The following SEC24B variants were observed in gnomAD, a reference collection of about 807,000 sequenced individuals.
The protein encoded by SEC24B is SEC24 homolog B, COPII component.
SEC24B carries 45 observed loss-of-function variants against 142.8 expected under a neutral mutation model. That is an observed-to-expected ratio of 0.32 (90% CI 0.25 to 0.40). The LOEUF (loss-of-function observed/expected upper bound fraction) is 0.40. Among genes scored for constraint, SEC24B ranks in the 10% least tolerant of loss-of-function variants. The probability of loss-of-function intolerance (pLI) is 1.00; values close to 1 mark genes in which losing one functional copy is unlikely to be tolerated. For synonymous variants in SEC24B, 574 were observed against 568.2 expected, an observed-to-expected ratio of 1.01 and a Z score of -0.15; for missense variants, 1,409 against 1,526.8, an observed-to-expected ratio of 0.92 and a Z score of 1.29.
rs1396558202 is a variant in SEC24B at position 109,492,588 on chromosome 4, G to A, written c.1246+1181G>A. ...AGAGTATTTCAGTAACCTTGGACAAGTTTTCTTTCTATTTATACTACACCA... is the reference window on the plus strand; with the variant it reads ...AGAGTATTTCAGTAACCTTGGACAAATTTTCTTTCTATTTATACTACACCA... On this transcript the variant is annotated intron_variant, in intron 5 of 23. Coordinates refer to ENST00000265175, the MANE Select transcript of SEC24B (RefSeq NM_006323.5). Among the ~76,000 whole-genome samples the A allele has an allele frequency of 3.3e-5, 5 of 152,134 alleles. No individual in the cohort carries two copies. The East Asian group carries it at 9.6e-4, about 29-fold the overall frequency.
intron 18 of SEC24B, among the ~76,000 whole-genome samples, chr4:109,528,671 AT>A (rs1200417796): frequency 6.6e-6 from 1 of 152,208 alleles, no homozygotes; most frequent in East Asian, 1.9e-4. Flanking sequence ...AACTAATTAT[AT>A]GTAAGTCTAA....
At chr4:109,536,766 T>C (rs1725586124) in intron 22 of SEC24B, among the ~76,000 whole-genome samples, 1 of 152,026 alleles carries the variant, frequency 6.6e-6, no homozygotes, top group South Asian at 2.1e-4. Context: ...CCTGACTTTG[T>C]GATCCCCCCA....
intron 1 of SEC24B, among the ~76,000 whole-genome samples, chr4:109,436,348 AT>A (rs1414042534): frequency 1.3e-5 from 2 of 152,056 alleles, no homozygotes; most frequent in Non-Finnish European, 2.9e-5. Context: ...TTTCTCATTT[AT>A]TTTTCAGTCC....
intron 18 of SEC24B, 132 bp from the exon 19 acceptor site, chr4:109,530,157 G>A: frequency 3.1e-6 from 2 of 638,840 alleles, no homozygotes; most frequent in Non-Finnish European, 5.2e-6. Flanking sequence ...TGAGGGAGCT[G>A]ATGAAATGCA....
At chr4:109,446,971 C>G (rs528599649) in intron 1 of SEC24B, among the ~76,000 whole-genome samples, 69 of 152,254 alleles carry the variant, frequency 4.5e-4, no homozygotes, top group Admixed American at 7.8e-4. Flanking sequence ...TACAATTAGA[C>G]AATTACAGTT....
In SEC24B at chr4:109,491,374, A is replaced by G; in HGVS notation, c.1213A>G (p.Ser405Gly). Residue 405 changes from serine (S) to glycine (G), a missense_variant, in exon 5 of 24, where the codon AGT becomes GGT. Physicochemically the swap from Ser to Gly is moderately conservative, Grantham distance 56. This residue lies in a region of SEC24B where 709 missense variants were observed against 673.5 expected (regional missense o/e 1.05). Coordinates refer to ENST00000265175, the MANE Select transcript of SEC24B (RefSeq NM_006323.5). ...TTSSASPMPN[S>G]YDALEGGSYP... is the part of the protein sequence containing the mutation. ...AAGCAGTGCTTCTCCAATGCCCAACAGTTATGATGCCCTGGAAGGAGGCAG... is the reference window on the plus strand; with the variant it reads ...AAGCAGTGCTTCTCCAATGCCCAACGGTTATGATGCCCTGGAAGGAGGCAG... 8 of 1,613,754 alleles carry G rather than the reference A, an allele frequency of 5.0e-6. No individual in the cohort carries two copies. Among genetic ancestry groups the G allele is most frequent in the Non-Finnish European group, 6.8e-6 (8 of 1,179,716 alleles).
chr4:109,461,210 C>A (rs775377389), intron 1 of SEC24B, among the ~76,000 whole-genome samples: 1 of 152,160 alleles, frequency 6.6e-6, no homozygotes, highest in Non-Finnish European at 1.5e-5. Flanking sequence ...GTGTTTCTCA[C>A]TTTTCAGATT....
intron 1 of SEC24B, among the ~76,000 whole-genome samples, chr4:109,454,185 C>T (rs1341266102): frequency 1.3e-5 from 2 of 151,918 alleles, no homozygotes; most frequent in African/African-American, 2.4e-5. Context: ...AGTCAAGTTT[C>T]TCAATATTTT....
At chr4:109,536,539 G>GT (rs1012265473) in intron 22 of SEC24B, among the ~76,000 whole-genome samples, 2 of 151,884 alleles carry the variant, frequency 1.3e-5, no homozygotes, top group African/African-American at 2.4e-5. Flanking sequence ...GTTTTGTTTT[G>GT]TTTTTTTGGA....
intron 7 of SEC24B, among the ~76,000 whole-genome samples, chr4:109,507,722 C>T (rs982001486): frequency 6.6e-6 from 1 of 151,402 alleles, no homozygotes; most frequent in Admixed American, 6.6e-5. Flanking sequence ...CTCGGCTCAC[C>T]GCAATCTCCG....
At chr4:109,452,682 C>A (rs1455198909) in intron 1 of SEC24B, among the ~76,000 whole-genome samples, 1 of 152,280 alleles carries the variant, frequency 6.6e-6, no homozygotes, top group East Asian at 1.9e-4. Flanking sequence ...TACATTCTTA[C>A]ATCTTTTGTG....
At chr4:109,521,308 C>A in intron 13 of SEC24B, 112 bp from the exon 14 acceptor site, 1 of 1,023,664 alleles carries the variant, frequency 9.8e-7, no homozygotes. Context: ...ATTGACTCCT[C>A]AGTTTCCAGT....
At chr4:109,453,358 G>C (rs1730306081) in intron 1 of SEC24B, among the ~76,000 whole-genome samples, 1 of 150,880 alleles carries the variant, frequency 6.6e-6, no homozygotes, top group South Asian at 2.1e-4. Context: ...AGCAAGCCTG[G>C]GGGTGCTGCT....
intron 6 of SEC24B, among the ~76,000 whole-genome samples, chr4:109,501,719 G>T (rs948524111): frequency 6.6e-6 from 1 of 152,172 alleles, no homozygotes; most frequent in Admixed American, 6.5e-5. Flanking sequence ...TGATCTACCT[G>T]CTTCGGCCTC....
chr4:109,494,925 A>G lies in SEC24B; in HGVS notation c.1488+69A>G, dbSNP rs1300587768. 5 of 1,574,158 alleles carry G rather than the reference A, an allele frequency of 3.2e-6. No individual in the cohort carries two copies. The Admixed American group carries it at 6.8e-5, about 22-fold the overall frequency. Reference sequence around the variant, plus strand: ...TTAATTCTGACAAGTTACTGGTGGGATTTGTACCTGTGATCCAAGTGGAAC... The same window carrying G: ...TTAATTCTGACAAGTTACTGGTGGGGTTTGTACCTGTGATCCAAGTGGAAC... On this transcript the variant is annotated intron_variant, in intron 6 of 23. Coordinates refer to ENST00000265175, the MANE Select transcript of SEC24B (RefSeq NM_006323.5).
Position 109,481,798 on chromosome 4 carries a change from C to T in SEC24B, c.1165+17C>T, listed in dbSNP as rs745826998. 50 of 1,578,270 alleles carry T rather than the reference C, an allele frequency of 3.2e-5. No individual in the cohort carries two copies. Among genetic ancestry groups the T allele is most frequent in the Non-Finnish European group, 4.4e-5 (50 of 1,149,184 alleles). ...AGGAAGCAGGTCTGCTTTAGCTTTA[C>T]ACCAGTTCTTGATCTTTTCCTGCTC... On this transcript the variant is annotated intron_variant, in intron 4 of 23. Coordinates refer to ENST00000265175, the MANE Select transcript of SEC24B (RefSeq NM_006323.5).
intron 4 of SEC24B, among the ~76,000 whole-genome samples, chr4:109,485,776 T>A (rs1328733526): frequency 6.6e-6 from 1 of 152,226 alleles, no homozygotes; most frequent in Admixed American, 6.5e-5. Flanking sequence ...TGTAAGTGTC[T>A]AATAAAGTAG....
intron 1 of SEC24B, among the ~76,000 whole-genome samples, chr4:109,441,558 A>C (rs1728931224): frequency 6.6e-6 from 1 of 152,158 alleles, no homozygotes; most frequent in South Asian, 2.1e-4. Flanking sequence ...CAGCCTCCTG[A>C]GTAGCTAGGA....
chr4:109,490,846 A>T (rs1349289217), intron 4 of SEC24B, among the ~76,000 whole-genome samples: 22 of 152,172 alleles, frequency 1.4e-4, no homozygotes, highest in Non-Finnish European at 1.6e-4. Context: ...AGCATGCCAG[A>T]TAGCAACCTA....
Sources: gnomAD v4.1 joint callset for allele counts (sites outside exome capture counted in the v4.1 genomes callset) on GRCh38, gnomAD v4.1.1 for gene constraint, gnomAD v4.1.1 regional missense constraint, MANE v1.5 for transcripts, NCBI Gene and HGNC (gene_info 2026-07-23, HGNC 2026-07-21) for gene names.